Variants in FRMPD4 observed in about 807,000 individuals in gnomAD.
FRMPD4 encodes FERM and PDZ domain-containing protein 4.
FRMPD4 carries 22 observed loss-of-function variants against 94.1 expected under a neutral mutation model. The observed-to-expected ratio is 0.23, with a 90% confidence interval of 0.17 to 0.33. The LOEUF is 0.33. Ranked by LOEUF, FRMPD4 falls within the 10% of genes least tolerant of loss-of-function variation. The pLI, the probability that FRMPD4 is intolerant of heterozygous loss-of-function variation, is 1.00. For synonymous variants in FRMPD4, 631 were observed against 548.6 expected (o/e 1.15, Z -2.10); for missense variants, 1,111 against 1,339.9 (o/e 0.83, Z 2.67).
chrX:12,388,578 C>T (rs2148033508), intron 1 of FRMPD4, among the ~76,000 whole-genome samples: 1 of 105,442 alleles, frequency 9.5e-6, no homozygotes, highest in East Asian at 2.9e-4. Context: ...GCACTCCAGC[C>T]TGGGTGACAG....
intron 4 of FRMPD4, among the ~76,000 whole-genome samples, chrX:12,651,718 G>A (rs1041788640): frequency 8.1e-5 from 9 of 111,376 alleles, no homozygotes; most frequent in Admixed American, 3.8e-4. Flanking sequence ...GAGCACTGCC[G>A]GACTGCTGAA....
intron 1 of FRMPD4, among the ~76,000 whole-genome samples, chrX:12,170,690 A>G (rs7050560): frequency 0.051 from 5,510 of 107,166 alleles, 195 homozygotes; most frequent in African/African-American, 0.13. Flanking sequence ...ATTCAGACTG[A>G]TTGCAGTGCT....
intron 5 of FRMPD4, among the ~76,000 whole-genome samples, chrX:12,682,463 G>A (rs2059982430): frequency 8.9e-6 from 1 of 112,200 alleles, no homozygotes. Flanking sequence ...ATAGGCAATT[G>A]CCAATATTTG....
intron 2 of FRMPD4, among the ~76,000 whole-genome samples, chrX:11,870,681 G>A (rs5978471): frequency 0.031 from 3,455 of 111,381 alleles, 71 homozygotes; most frequent in African/African-American, 0.077. Context: ...GGACCAGGGA[G>A]GGGTCTATGA....
At chrX:12,020,870 T>G (rs2054628877) in intron 3 of FRMPD4, among the ~76,000 whole-genome samples, 1 of 111,498 alleles carries the variant, frequency 9.0e-6, no homozygotes, top group African/African-American at 3.3e-5. Context: ...ATTGGGAAAA[T>G]TTTTGTCTAA....
chrX:12,489,765 A>G (rs2057774216), intron 1 of FRMPD4, among the ~76,000 whole-genome samples: 1 of 111,864 alleles, frequency 8.9e-6, no homozygotes, highest in African/African-American at 3.2e-5. Context: ...TCTGTGTGGG[A>G]TAGTTTGAGG....
At chrX:12,134,772 G>A (rs1367135965), upstream of FRMPD4, among the ~76,000 whole-genome samples, 1 of 110,560 alleles carries the variant, frequency 9.0e-6, no homozygotes, top group Non-Finnish European at 1.9e-5. Flanking sequence ...AGCGAATGTT[G>A]GGCCTCCTAA....
chrX:12,512,779 G>A (rs2058057138), intron 2 of FRMPD4, among the ~76,000 whole-genome samples: 1 of 112,360 alleles, frequency 8.9e-6, no homozygotes, highest in Non-Finnish European at 1.9e-5. Flanking sequence ...CTGGTTTTAA[G>A]TTTTTGACTA....
chrX:11,823,253 G>A (rs1224663082), intron 1 of FRMPD4, among the ~76,000 whole-genome samples: 1 of 109,559 alleles, frequency 9.1e-6, no homozygotes, highest in African/African-American at 3.3e-5. Flanking sequence ...AACTCTCAAA[G>A]CATGCCAAAG....
chrX:12,530,586 G>A (rs2058274631), intron 2 of FRMPD4, among the ~76,000 whole-genome samples: 1 of 110,710 alleles, frequency 9.0e-6, no homozygotes, highest in African/African-American at 3.3e-5. Flanking sequence ...TTTTTCAAAG[G>A]CCATGGAGAT....
chrX:12,683,143 C>A (rs1409011594), intron 5 of FRMPD4, among the ~76,000 whole-genome samples: 1 of 112,153 alleles, frequency 8.9e-6, no homozygotes, highest in African/African-American at 3.2e-5. Flanking sequence ...TTAGATCTGA[C>A]TACCACCTCA....
chrX:11,857,413 C>T (rs982013365), intron 1 of FRMPD4, among the ~76,000 whole-genome samples: 5 of 111,563 alleles, frequency 4.5e-5, no homozygotes, highest in African/African-American at 1.6e-4. Context: ...AGAATGCACA[C>T]CTACAACTAT....
At chrX:12,127,725 G>T (rs1481149924) in intron 3 of FRMPD4, among the ~76,000 whole-genome samples, 1 of 111,988 alleles carries the variant, frequency 8.9e-6, no homozygotes. Flanking sequence ...TCTGAGACAA[G>T]GCAAGTCCCT....
intron 3 of FRMPD4, among the ~76,000 whole-genome samples, chrX:11,981,450 T>C (rs1176299393): frequency 9.0e-6 from 1 of 111,544 alleles, no homozygotes; most frequent in Non-Finnish European, 1.9e-5. Context: ...TTTTTATCTT[T>C]ATGTAGTGAA....
chrX:12,685,956 C>G (rs2060019065), intron 6 of FRMPD4, 141 bp from the exon 7 acceptor site: 1 of 337,289 alleles, frequency 3.0e-6, no homozygotes, highest in East Asian at 4.6e-5. Flanking sequence ...CACATATCAC[C>G]AAAGGAATGC....
At chrX:12,132,876 T>C (rs1395419438) in intron 3 of FRMPD4, among the ~76,000 whole-genome samples, 1 of 109,518 alleles carries the variant, frequency 9.1e-6, no homozygotes, top group Non-Finnish European at 1.9e-5. Flanking sequence ...AGATAGCAAA[T>C]GGAGAACTTT....
chrX:12,697,078 T>C lies in FRMPD4; in HGVS notation c.933+2624T>C, dbSNP rs189635189. Among the ~76,000 whole-genome samples the C allele has an allele frequency of 4.4e-3, 492 of 112,566 alleles. 4 individuals are homozygous for C. Among genetic ancestry groups the C allele is most frequent in the African/African-American group, 0.015 (470 of 31,010 alleles). ...TGTTCATGAAGATAACCCTACATCA[T>C]TGGGAAAAGTCAAGTCCTGTTCAAT... On this transcript the variant is annotated intron_variant, in intron 9 of 16. Transcript: ENST00000675598.
rs780653457 is a variant in FRMPD4 at position 12,539,668 on chromosome X, T to C, written c.158+40872T>C. On this transcript the variant is annotated intron_variant, in intron 2 of 16. Coordinates refer to ENST00000675598, the MANE Select transcript of FRMPD4 (RefSeq NM_001368397.1). ...TTTTTTTTGAGACGGAGTTTCACTCTTGTTGCCCAGGCTGGAGTGCAATGG... is the reference window on the plus strand; with the variant it reads ...TTTTTTTTGAGACGGAGTTTCACTCCTGTTGCCCAGGCTGGAGTGCAATGG... Among the ~76,000 whole-genome samples the C allele has an allele frequency of 4.4e-3, 480 of 110,060 alleles. 2 individuals carry two copies. The highest frequency in any genetic ancestry group is 0.015 in the African/African-American group (445 of 30,335).
chrX:12,717,749 C>G lies in FRMPD4; in HGVS notation c.2923C>G (p.Pro975Ala). ...GTCCTCGCACGCCCTGGCTGCTAGG[C>G]CAGCAACCGACCTCCCGCCCAAAGT... ...PKSSHALAAR[P>A]ATDLPPKVVP... Residue 975 changes from proline to alanine, a missense_variant, in exon 16 of 17, where the codon CCA (proline) becomes GCA (alanine). Pro to Ala is a conservative substitution (Grantham distance 27, BLOSUM62 -1). Transcript: ENST00000675598. The G allele has an allele frequency of 4.1e-6, 5 of 1,211,854 alleles. No homozygotes were observed. The highest frequency in any genetic ancestry group is 5.6e-6 in the Non-Finnish European group (5 of 895,290).
Sources: allele counts gnomAD v4.1 joint callset (sites outside exome capture counted in the v4.1 genomes callset), GRCh38; gene constraint gnomAD v4.1.1; transcripts MANE v1.5; gene names NCBI Gene and HGNC (gene_info 2026-07-23, HGNC 2026-07-21).